Variants in BMERB1 observed in about 807,000 individuals in gnomAD.
BMERB1 encodes the protein bMERB domain containing 1.
In BMERB1, 12 loss-of-function variants were observed where a neutral mutation model predicts 23.6. The ratio of observed to expected loss-of-function variants is 0.51; its 90% confidence interval spans 0.33 to 0.82. The LOEUF (loss-of-function observed/expected upper bound fraction) is 0.82. BMERB1 is among the 40% of genes least tolerant of loss of function. BMERB1 has a pLI of 0.03. For missense variants in BMERB1, 247 were observed against 255.4 expected (o/e 0.97, Z 0.22); for synonymous variants, 122 against 96.6 (o/e 1.26, Z -1.54).
At chr16:15,451,922 A>G (rs1173711907) in intron 1 of BMERB1, among the ~76,000 whole-genome samples, 1 of 151,604 alleles carries the variant, frequency 6.6e-6, no homozygotes, top group Non-Finnish European at 1.5e-5. Flanking sequence ...ACTTATTTAA[A>G]TAAGTTTGCA....
At chr16:15,435,838 G>A (rs2050883162) in intron 1 of BMERB1, among the ~76,000 whole-genome samples, 1 of 152,212 alleles carries the variant, frequency 6.6e-6, no homozygotes, top group African/African-American at 2.4e-5. Flanking sequence ...TTCTGATTCT[G>A]ACGGGTTGAA....
intron 1 of BMERB1, among the ~76,000 whole-genome samples, chr16:15,510,025 C>T (rs956982694): frequency 6.6e-6 from 1 of 152,050 alleles, no homozygotes; most frequent in African/African-American, 2.4e-5. Flanking sequence ...TGGCAAAAAC[C>T]GTAATTACTT....
intron 2 of BMERB1, among the ~76,000 whole-genome samples, chr16:15,535,366 G>A (rs948472115): frequency 1.3e-5 from 2 of 151,884 alleles, no homozygotes; most frequent in Non-Finnish European, 2.9e-5. Flanking sequence ...GAAGAAAGAG[G>A]GCCAGGTGCG....
chr16:15,581,292 G>C lies in BMERB1; in HGVS notation c.380G>C (p.Arg127Thr). Residue 127 changes from arginine to threonine, a missense_variant, in exon 4 of 6, where the codon AGA becomes ACA. Physicochemically the swap from Arg to Thr is moderately conservative, Grantham distance 71 (BLOSUM62 -1). Transcript: ENST00000300006. ...IQKIHKLVQKRDFLVDDAEVE... is the reference protein window; with the variant it reads ...IQKIHKLVQKTDFLVDDAEVE... ...AAGATCCACAAACTGGTGCAGAAGA[G>C]AGACTTCCTGGTGGACGATGCGGAG... The C allele has an allele frequency of 6.2e-7, 1 of 1,614,152 alleles. No individual in the cohort carries two copies. Among genetic ancestry groups the C allele is most frequent in the Non-Finnish European group, 8.5e-7 (1 of 1,180,008 alleles).
At chr16:15,577,881 T>G (rs1433341907) in intron 3 of BMERB1, among the ~76,000 whole-genome samples, 2 of 152,196 alleles carry the variant, frequency 1.3e-5, no homozygotes, top group African/African-American at 4.8e-5. Flanking sequence ...CCTCTTAATG[T>G]GCATGCTTGA....
intron 1 of BMERB1, among the ~76,000 whole-genome samples, chr16:15,444,137 T>TTTTTG (rs1421277128): frequency 7.6e-6 from 1 of 131,314 alleles, no homozygotes; most frequent in African/African-American, 2.9e-5. Context: ...TTTTTTTTTT[T>TTTTTG]TTTTTTTTTT....
chr16:15,490,564 T>C (rs989248143), intron 1 of BMERB1, among the ~76,000 whole-genome samples: 1 of 152,008 alleles, frequency 6.6e-6, no homozygotes, highest in African/African-American at 2.4e-5. Flanking sequence ...ATTACAGGCA[T>C]GAGCCACTGC....
intron 2 of BMERB1, among the ~76,000 whole-genome samples, chr16:15,551,858 A>C (rs1738323821): frequency 6.6e-6 from 1 of 152,144 alleles, no homozygotes; most frequent in Admixed American, 6.5e-5. Flanking sequence ...GAGTGTAGGA[A>C]GTGCCACATT....
chr16:15,567,709 G>A (rs963230715), intron 2 of BMERB1, among the ~76,000 whole-genome samples: 1 of 152,180 alleles, frequency 6.6e-6, no homozygotes, highest in African/African-American at 2.4e-5. Flanking sequence ...GTTGCGGTGA[G>A]CCGAGATCAT....
At chr16:15,500,373 C>T (rs546357569) in intron 1 of BMERB1, among the ~76,000 whole-genome samples, 3 of 152,136 alleles carry the variant, frequency 2.0e-5, no homozygotes, top group Admixed American at 1.3e-4. Flanking sequence ...CCAGGTTGAA[C>T]GTGCTGAGGC....
chr16:15,579,962 G>C (rs1488973565), intron 3 of BMERB1, among the ~76,000 whole-genome samples: 5 of 152,114 alleles, frequency 3.3e-5, no homozygotes, highest in Admixed American at 2.6e-4. Context: ...AGGATGTGCA[G>C]GTTTATTACA....
At chr16:15,457,668 T>G (rs1428213798) in intron 1 of BMERB1, among the ~76,000 whole-genome samples, 1 of 152,224 alleles carries the variant, frequency 6.6e-6, no homozygotes, top group Non-Finnish European at 1.5e-5. Flanking sequence ...AGCCTCCAGA[T>G]GTTGGTTCAG....
chr16:15,447,911 CAG>C (rs2051003775), intron 1 of BMERB1: 1 of 455,834 alleles, frequency 2.2e-6, no homozygotes, highest in Non-Finnish European at 4.4e-6. Context: ...ATTTTTGAGA[CAG>C]AGTCTTGCTG....
chr16:15,586,998 C>T lies in BMERB1; in HGVS notation c.*169C>T. ...GGCAGGCGGGCCTGGCCACCCTGTA[C>T]AGAGTGTAGCAGTAGGGAGTCTCTC... On this transcript the variant is annotated 3_prime_UTR_variant, in exon 6 of 6. Transcript: ENST00000300006. 1.7e-6 allele frequency: 1 copy of T among 587,848 alleles called. No individual in the cohort carries two copies. Among genetic ancestry groups the T allele is most frequent in the Non-Finnish European group, 3.0e-6 (1 of 330,614 alleles). The allele number at this position is 587,848 out of a possible 1,614,324, so 36.4% of individuals were successfully genotyped here. A position where few individuals can be genotyped will look rare whatever the true frequency, so the allele number is the denominator to read the frequency against.
At chr16:15,530,903 C>CT (rs1220558728) in intron 2 of BMERB1, among the ~76,000 whole-genome samples, 7,018 of 109,250 alleles carry the variant, frequency 0.064, 329 homozygotes, top group Non-Finnish European at 0.075. Context: ...TTTCTTCTTT[C>CT]TTTTTTTTTT....
At chr16:15,519,231 G>A (rs950853514) in intron 2 of BMERB1, among the ~76,000 whole-genome samples, 5 of 152,032 alleles carry the variant, frequency 3.3e-5, no homozygotes, top group East Asian at 3.9e-4. Flanking sequence ...AAAGACTCCC[G>A]GTGGCCGTAG....
At position 15,515,338 on chromosome 16, in the gene BMERB1, C is replaced by A; in HGVS notation, c.140C>A (p.Thr47Asn). ...GACATCATCTCCATGGCGGAGACAA[C>A]CATGATGCCAGAGGAGATTGAGCTG... ...QLDIISMAET[T>N]MMPEEIELEM... The change falls in exon 2 of 6, where the codon ACC becomes AAC. Residue 47 changes from threonine to asparagine, a missense_variant. Coordinates refer to ENST00000300006, the MANE Select transcript of BMERB1 (RefSeq NM_033201.3). The A allele has an allele frequency of 2.5e-6, 4 of 1,613,812 alleles. No homozygotes were observed. The highest frequency in any genetic ancestry group is 3.4e-6 in the Non-Finnish European group (4 of 1,180,002).
intron 3 of BMERB1, among the ~76,000 whole-genome samples, chr16:15,569,941 G>T (rs1427287592): frequency 6.6e-6 from 1 of 152,090 alleles, no homozygotes; most frequent in Non-Finnish European, 1.5e-5. Context: ...TGGTGGAAAA[G>T]GTTATAATCA....
chr16:15,570,339 T>G (rs1400345357), intron 3 of BMERB1, among the ~76,000 whole-genome samples: 1 of 152,198 alleles, frequency 6.6e-6, no homozygotes, highest in Non-Finnish European at 1.5e-5. Flanking sequence ...CAGTTCTTAC[T>G]GAGCTACAAG....
Sources: gnomAD v4.1 joint callset for allele counts (sites outside exome capture counted in the v4.1 genomes callset) on GRCh38, gnomAD v4.1.1 for gene constraint, MANE v1.5 for transcripts, NCBI Gene and HGNC (gene_info 2026-07-23, HGNC 2026-07-21) for gene names.